The following DCTN2 variants were observed in gnomAD, a reference collection of about 807,000 sequenced individuals.
The protein encoded by DCTN2 is 50 kDa dynein-associated polypeptide.
A neutral mutation model predicts 55.4 loss-of-function variants in DCTN2; 18 were observed. The ratio of observed to expected loss-of-function variants is 0.32; its 90% CI spans 0.22 to 0.48. The LOEUF (loss-of-function observed/expected upper bound fraction) is 0.48. Ranked by LOEUF, DCTN2 falls within the 20% of genes least tolerant of loss-of-function variation. The pLI, the probability that DCTN2 is intolerant of heterozygous loss-of-function variation, is 0.99. For missense variants in DCTN2, 390 were observed against 491.0 expected, an observed-to-expected ratio of 0.79 and a Z score of 1.94; for synonymous variants, 168 against 185.2, an observed-to-expected ratio of 0.91 and a Z score of 0.76.
At chr12:57,537,411 G>A (rs1398956754) in intron 2 of DCTN2, among the ~76,000 whole-genome samples, 1 of 146,484 alleles carries the variant, frequency 6.8e-6, no homozygotes, top group Non-Finnish European at 1.5e-5. Flanking sequence ...AGATTCTAAT[G>A]AATTATTCTG....
chr12:57,545,331 C>T (rs1007327195), intron 2 of DCTN2, among the ~76,000 whole-genome samples: 17 of 152,112 alleles, frequency 1.1e-4, no homozygotes, highest in African/African-American at 3.9e-4. Context: ...TATATGTATC[C>T]TAATTCCCCA....
In DCTN2 at chr12:57,538,967, G is replaced by C. The variant is rs967286851; in HGVS notation, c.106-3122C>G. 5.9e-5 allele frequency among the ~76,000 whole-genome samples: 9 copies of C among 152,344 alleles called. No homozygotes were observed. The East Asian group carries it at 1.7e-3, about 29-fold the overall frequency. On this transcript the variant is annotated intron_variant, in intron 2 of 13. Transcript: ENST00000548249. ...GAAATTCTTAGACTTGTAGCTGATA[G>C]AGGGTCAATAATTCTCAGGAGAGGA...
intron 8 of DCTN2, 88 bp from the exon 9 acceptor site, chr12:57,533,110 C>A: frequency 6.4e-7 from 1 of 1,557,418 alleles, no homozygotes; most frequent in Non-Finnish European, 8.7e-7. Context: ...TAGCTGGGAA[C>A]CCACTAGCTG....
At chr12:57,537,352 A>C (rs1338707343) in intron 2 of DCTN2, among the ~76,000 whole-genome samples, 3 of 142,006 alleles carry the variant, frequency 2.1e-5, no homozygotes, top group African/African-American at 5.3e-5. Context: ...AAAAAGAGAG[A>C]GAGAGAAAAG....
At chr12:57,538,116 C>G (rs534060259) in intron 2 of DCTN2, 2 of 327,472 alleles carry the variant, frequency 6.1e-6, no homozygotes, top group Admixed American at 4.2e-5. Flanking sequence ...TTCTTATTTA[C>G]GTTCCTAAGT....
chr12:57,538,246 G>A, intron 2 of DCTN2: 3 of 554,934 alleles, frequency 5.4e-6, no homozygotes, highest in East Asian at 3.6e-5. Context: ...TGGGCCAGTT[G>A]GGCTACCTGG....
At chr12:57,536,325 T>C (rs1880229844) in intron 2 of DCTN2, among the ~76,000 whole-genome samples, 1 of 152,184 alleles carries the variant, frequency 6.6e-6, no homozygotes, top group Non-Finnish European at 1.5e-5. Flanking sequence ...GTGTGAATAT[T>C]AGGACTTTAA....
rs1441651815 is a variant in DCTN2 at position 57,547,114 on chromosome 12, G to A, written c.-51C>T. The stretch of plus-strand genomic sequence containing the variant: ...CCCGGGCCTCGGTGGAGCCGGGGCC[G>A]GTGTTCGGGTAGGGGAGAGGCTGGG... On this transcript the variant is annotated 5_prime_UTR_variant, in exon 1 of 14. Coordinates refer to ENST00000548249, the MANE Select transcript of DCTN2 (RefSeq NM_001261413.2). 3.2e-6 allele frequency: 4 copies of A among 1,247,628 alleles called. No homozygotes were observed. The highest frequency in any genetic ancestry group is 4.1e-6 in the Non-Finnish European group (4 of 985,242). The allele number at this position is 1,247,628 out of a possible 1,614,324, so 77.3% of individuals were successfully genotyped here. A position where few individuals can be genotyped will look rare whatever the true frequency, so the allele number is the denominator to read the frequency against.
At chr12:57,540,715 G>C (rs1423545398) in intron 2 of DCTN2, among the ~76,000 whole-genome samples, 3 of 152,228 alleles carry the variant, frequency 2.0e-5, no homozygotes, top group Non-Finnish European at 2.9e-5. Flanking sequence ...CAGAGCTGTA[G>C]AGTAAAACTG....
In DCTN2 at chr12:57,532,260, G is replaced by C. The variant is rs1204051478; in HGVS notation, c.980C>G (p.Pro327Arg). Residue 327 changes from proline to arginine, a missense_variant, in exon 12 of 14, where the codon CCT becomes CGT. Coordinates refer to ENST00000548249, the MANE Select transcript of DCTN2 (RefSeq NM_001261413.2). ...QRWSPIASTL[P>R]ELVQRLVTIK... The stretch of plus-strand genomic sequence containing the variant: ...GGTGACAAGTCTCTGCACCAGCTCA[G>C]GGAGGGTGGAGGCAATGGGGCTCCA... 6.4e-7 allele frequency: 1 copy of C among 1,562,860 alleles called. No homozygotes were observed. Among genetic ancestry groups the C allele is most frequent in the Non-Finnish European group, 8.7e-7 (1 of 1,153,096 alleles).
intron 2 of DCTN2, among the ~76,000 whole-genome samples, chr12:57,539,064 T>C (rs150410723): frequency 1.5e-3 from 228 of 152,340 alleles, no homozygotes; most frequent in African/African-American, 5.3e-3. Context: ...ATTAGACATT[T>C]GGATGGCAGA....
rs1880740100 is a variant in DCTN2, at chr12:57,542,085, G to A, written c.105+3943C>T. On this transcript the variant is annotated intron_variant, in intron 2 of 13. Coordinates refer to ENST00000548249, the MANE Select transcript of DCTN2 (RefSeq NM_001261413.2). ...AGGTCAGGGGTTTGAGACCAGCCTA[G>A]CCAACATGGTGAAACCCTGTCTCTA... Among the ~76,000 whole-genome samples the A allele has an allele frequency of 2.6e-5, 4 of 152,144 alleles. No homozygotes were observed. In the South Asian group the frequency reaches 8.3e-4, roughly 32 times the overall value.
chr12:57,542,910 T>C (rs1323435557), intron 2 of DCTN2: 3 of 455,968 alleles, frequency 6.6e-6, no homozygotes, highest in African/African-American at 6.0e-5. Flanking sequence ...TGAGTGGTGG[T>C]AGGCAGAGGT....
intron 13 of DCTN2, among the ~76,000 whole-genome samples, chr12:57,531,525 AAAAC>A (rs1681251053): frequency 6.6e-6 from 1 of 152,202 alleles, no homozygotes; most frequent in Admixed American, 6.5e-5. Flanking sequence ...TTAAAAATAA[AAAAC>A]AATAAGAAAT....
intron 3 of DCTN2, 94 bp from the exon 4 acceptor site, chr12:57,535,639 A>G (rs1880169301): frequency 2.0e-6 from 3 of 1,523,854 alleles, no homozygotes; most frequent in Non-Finnish European, 2.7e-6. Context: ...AAATATCTCC[A>G]TGAGGGACCC....
Position 57,534,132 on chromosome 12 carries a change from G to C in DCTN2, c.525-35C>G, listed in dbSNP as rs775875289. The C allele has an allele frequency of 7.7e-6, 12 of 1,556,042 alleles. 1 individual carries two copies. Among genetic ancestry groups the C allele is most frequent in the South Asian group, 6.1e-5 (5 of 81,580 alleles). ...AGACCGAGTAATAATATCATGACTG[G>C]AAGGAGAAGGGCCAGTCACTCTCCC... On this transcript the variant is annotated intron_variant, in intron 6 of 13. Coordinates refer to ENST00000548249, the MANE Select transcript of DCTN2 (RefSeq NM_001261413.2).
At chr12:57,546,555 G>C (rs1482807622) in intron 1 of DCTN2, among the ~76,000 whole-genome samples, 3 of 152,068 alleles carry the variant, frequency 2.0e-5, no homozygotes, top group Non-Finnish European at 4.4e-5. Context: ...TCATGGGAGT[G>C]GGGGCTGGGG....
chr12:57,543,973 C>G (rs1880923776), intron 2 of DCTN2: 1 of 465,636 alleles, frequency 2.1e-6, no homozygotes, highest in African/African-American at 2.0e-5. Context: ...GTGTCATCTC[C>G]TTTTTATTAA....
chr12:57,545,537 T>C (rs1003676882), intron 2 of DCTN2, among the ~76,000 whole-genome samples: 3 of 152,210 alleles, frequency 2.0e-5, no homozygotes, highest in African/African-American at 7.2e-5. Context: ...TGATGTGAAA[T>C]ATTTACATTC....
Sources: gnomAD v4.1 joint callset for allele counts (sites outside exome capture counted in the v4.1 genomes callset) on GRCh38, gnomAD v4.1.1 for gene constraint, MANE v1.5 for transcripts, NCBI Gene and HGNC (gene_info 2026-07-23, HGNC 2026-07-21) for gene names.